Variants in ATG16L1 observed in about 807,000 individuals in gnomAD.
ATG16L1 encodes autophagy-related protein 16-1.
In ATG16L1, 37 loss-of-function variants were observed where a neutral mutation model predicts 88.5. That is an observed-to-expected ratio of 0.42 (90% confidence interval 0.32 to 0.55). The LOEUF (loss-of-function observed/expected upper bound fraction) is 0.55. Among genes scored for constraint, ATG16L1 ranks in the 20% least tolerant of loss-of-function variants. The pLI, the probability that ATG16L1 is intolerant of heterozygous loss-of-function variation, is 0.13. For missense variants in ATG16L1, 554 were observed against 752.8 expected (o/e 0.74, Z 3.09); for synonymous variants, 301 against 281.0 (o/e 1.07, Z -0.71).
At chr2:233,272,390 A>G (rs1319870607) in intron 6 of ATG16L1, among the ~76,000 whole-genome samples, 3 of 152,236 alleles carry the variant, frequency 2.0e-5, no homozygotes, top group Non-Finnish European at 4.4e-5. Flanking sequence ...TCAAAAATGC[A>G]TAGTGTTTAA....
rs1377449068 is a variant in ATG16L1, at chr2:233,251,775, C to T, written c.-53C>T. ...GGTTGCTTCATGCTGCAGGCTGCGG[C>T]CGTCAGCCCTCGCTCGCATTGGTGG... On this transcript the variant is annotated 5_prime_UTR_variant, in exon 1 of 18. Transcript: ENST00000392017. 2 of 1,491,836 alleles carry T rather than the reference C, an allele frequency of 1.3e-6. No individual in the cohort carries two copies. Among genetic ancestry groups the T allele is most frequent in the Non-Finnish European group, 1.8e-6 (2 of 1,097,282 alleles). The allele number at this position is 1,491,836 out of a possible 1,614,324, so 92.4% of individuals were successfully genotyped here.
chr2:233,286,915 G>A (rs114499018), intron 12 of ATG16L1, among the ~76,000 whole-genome samples: 1,901 of 151,966 alleles, frequency 0.013, 17 homozygotes, highest in East Asian at 0.027. Context: ...ATGAGCCACC[G>A]CGCCTGGCCA....
chr2:233,282,817 A>T, intron 12 of ATG16L1, 64 bp downstream of exon 12: 2 of 1,457,004 alleles, frequency 1.4e-6, no homozygotes, highest in Non-Finnish European at 1.9e-6. Flanking sequence ...CAAGGCACAA[A>T]CTGGCAGGTG....
At chr2:233,289,178 G>A (rs1699283308) in intron 12 of ATG16L1, among the ~76,000 whole-genome samples, 1 of 152,184 alleles carries the variant, frequency 6.6e-6, no homozygotes. Context: ...TCAAATTCAA[G>A]ATTGAGGATG....
rs1190432536 is a variant in ATG16L1, at chr2:233,278,001, C to T, written c.1060+328C>T. Reference sequence around the variant, plus strand: ...ATCAGAGCATCTTGCAAAATAGTACCGTTTTTATGAGGAAAATAAGTCTTA... The same window carrying T: ...ATCAGAGCATCTTGCAAAATAGTACTGTTTTTATGAGGAAAATAAGTCTTA... On this transcript the variant is annotated intron_variant, in intron 10 of 17. Transcript: ENST00000392017. Among the ~76,000 whole-genome samples the T allele has an allele frequency of 3.9e-5, 6 of 151,974 alleles. 1 individual carries two copies. The highest frequency in any genetic ancestry group is 4.2e-4 in the South Asian group (2 of 4,814).
rs1336795139 is a variant in ATG16L1 at position 233,274,631 on chromosome 2, A to T, written c.852-45A>T. 3.4e-6 allele frequency: 5 copies of T among 1,473,238 alleles called. No individual in the cohort carries two copies. The South Asian group carries it at 3.5e-5, about 10-fold the overall frequency. 91.3% of individuals were successfully genotyped at this position (1,473,238 alleles called of 1,614,324 possible). A position where few individuals can be genotyped will look rare whatever the true frequency, so the allele number is the denominator to read the frequency against. On this transcript the variant is annotated intron_variant, in intron 8 of 17. Transcript: ENST00000392017. ...TTTCTAACAATTTGATGAGCAGTAAACCTCTGCAATCCTGTCTAATATTTG... is the reference window on the plus strand; with the variant it reads ...TTTCTAACAATTTGATGAGCAGTAATCCTCTGCAATCCTGTCTAATATTTG...
intron 2 of ATG16L1, among the ~76,000 whole-genome samples, chr2:233,258,882 A>G (rs1188626518): frequency 1.3e-5 from 2 of 152,062 alleles, no homozygotes; most frequent in African/African-American, 4.8e-5. Context: ...AATTTTTTGT[A>G]GAGATAGGGG....
intron 5 of ATG16L1, among the ~76,000 whole-genome samples, chr2:233,268,610 A>T (rs1421088225): frequency 1.3e-5 from 2 of 152,232 alleles, no homozygotes; most frequent in Non-Finnish European, 2.9e-5. Flanking sequence ...ACAGTCAACA[A>T]GTGCTTTAAT....
chr2:233,256,565 T>G (rs1471926811), intron 2 of ATG16L1, among the ~76,000 whole-genome samples: 1 of 150,862 alleles, frequency 6.6e-6, no homozygotes, highest in African/African-American at 2.4e-5. Flanking sequence ...AATGTAGGAT[T>G]GATTGGCACA....
At position 233,272,962 on chromosome 2, in the gene ATG16L1, C is replaced by A. The variant is rs1207380473; in HGVS notation, c.708-4C>A. ...ATCAAAGAATGTCTTGCCTTTCTTT[C>A]CAGGGATGATGACATTGAGGTCATT... is the stretch of plus-strand genomic sequence containing the variant. On this transcript the variant is annotated splice_region_variant and splice_polypyrimidine_tract_variant and intron_variant, in intron 6 of 17. Coordinates refer to ENST00000392017, the MANE Select transcript of ATG16L1 (RefSeq NM_030803.7). 1 of 1,612,996 alleles carries A rather than the reference C, an allele frequency of 6.2e-7. No individual in the cohort carries two copies. The highest frequency in any genetic ancestry group is 1.1e-5 in the South Asian group (1 of 91,024).
chr2:233,271,574 G>C (rs985403326), intron 6 of ATG16L1, among the ~76,000 whole-genome samples: 4 of 152,308 alleles, frequency 2.6e-5, no homozygotes, highest in Middle Eastern at 3.4e-3. Flanking sequence ...CACCGAGCCC[G>C]GCCTAAGGCC....
chr2:233,267,558 C>T (rs1034689597), intron 5 of ATG16L1, among the ~76,000 whole-genome samples: 3 of 152,050 alleles, frequency 2.0e-5, no homozygotes, highest in Non-Finnish European at 4.4e-5. Context: ...TTATACTTAC[C>T]TGTATTTTCT....
intron 6 of ATG16L1, 37 bp from the exon 7 acceptor site, chr2:233,272,929 T>G (rs1698090368): frequency 1.3e-6 from 2 of 1,564,900 alleles, no homozygotes; most frequent in African/African-American, 1.4e-5. Flanking sequence ...ACAGAACTGT[T>G]CAGGAGAATC....
At chr2:233,280,776 C>G (rs886383977) in intron 10 of ATG16L1, among the ~76,000 whole-genome samples, 2 of 152,078 alleles carry the variant, frequency 1.3e-5, no homozygotes, top group East Asian at 1.9e-4. Context: ...CTGAATAAAC[C>G]CAGTCTCTAG....
At chr2:233,270,152 G>GT (rs1379363416) in intron 6 of ATG16L1, 85 bp downstream of exon 6, 178 of 1,333,992 alleles carry the variant, frequency 1.3e-4, no homozygotes, top group Admixed American at 1.9e-4. Flanking sequence ...TTTTTGTTTG[G>GT]TTTTTTTTGA....
At chr2:233,270,383 G>A (rs2125240957) in intron 6 of ATG16L1, among the ~76,000 whole-genome samples, 3 of 152,052 alleles carry the variant, frequency 2.0e-5, no homozygotes, top group Middle Eastern at 6.8e-3. Context: ...GTACTGATAC[G>A]GCCTTTGACC....
chr2:233,266,730 A>G (rs939432389), intron 5 of ATG16L1, among the ~76,000 whole-genome samples: 1 of 152,248 alleles, frequency 6.6e-6, no homozygotes, highest in Non-Finnish European at 1.5e-5. Context: ...ATCAATCTAC[A>G]TATTCATCAT....
intron 7 of ATG16L1, 82 bp downstream of exon 7, chr2:233,273,134 A>C (rs1698105002): frequency 1.7e-6 from 2 of 1,166,062 alleles, no homozygotes; most frequent in Admixed American, 3.5e-5. Context: ...CAAAGAATGC[A>C]GTCAGATGCA....
intron 14 of ATG16L1, among the ~76,000 whole-genome samples, chr2:233,291,819 T>C (rs553035160): frequency 6.6e-6 from 1 of 152,288 alleles, no homozygotes; most frequent in African/African-American, 2.4e-5. Context: ...CTGAAAATAA[T>C]ACGAATTGGG....
Sources: gnomAD v4.1 joint callset for allele counts (sites outside exome capture counted in the v4.1 genomes callset) on GRCh38, gnomAD v4.1.1 for gene constraint, MANE v1.5 for transcripts, NCBI Gene and HGNC (gene_info 2026-07-23, HGNC 2026-07-21) for gene names.